Variants in POLQ observed in about 807,000 individuals in gnomAD.
POLQ encodes the protein epididymis secretory sperm binding protein.
POLQ carries 233 observed loss-of-function variants against 259.2 expected under a neutral mutation model. The observed-to-expected ratio is 0.90, with a 90% CI of 0.81 to 1.00. POLQ has a LOEUF of 1.00. Ranked by LOEUF, POLQ falls within the 50% of genes least tolerant of loss-of-function variation. POLQ has a pLI of 0.00. For missense variants in POLQ, 2,871 were observed against 3,051.6 expected (o/e 0.94, Z 1.39); for synonymous variants, 1,025 against 1,048.8 (o/e 0.98, Z 0.44).
intron 5 of POLQ, among the ~76,000 whole-genome samples, chr3:121,536,314 A>T (rs2048450334): frequency 6.6e-6 from 1 of 152,136 alleles, no homozygotes; most frequent in Non-Finnish European, 1.5e-5. Flanking sequence ...GTTAGTAAAA[A>T]ATTTAAAAGA....
intron 25 of POLQ, among the ~76,000 whole-genome samples, chr3:121,454,129 C>A (rs1056257194): frequency 6.6e-6 from 1 of 152,172 alleles, no homozygotes; most frequent in East Asian, 1.9e-4. Flanking sequence ...TCCAGCCAAA[C>A]TAAGCTTCAT....
intron 24 of POLQ, among the ~76,000 whole-genome samples, chr3:121,466,324 C>T (rs1202445080): frequency 2.8e-5 from 4 of 143,852 alleles, no homozygotes; most frequent in African/African-American, 1.0e-4. Context: ...TAAGAAAACT[C>T]TGTTGCACTT....
chr3:121,543,855 C>T (rs150474511), intron 2 of POLQ, among the ~76,000 whole-genome samples: 3 of 151,860 alleles, frequency 2.0e-5, no homozygotes, highest in South Asian at 2.1e-4. Flanking sequence ...TGGCAGCGGG[C>T]ATCTGTAATC....
intron 25 of POLQ, among the ~76,000 whole-genome samples, chr3:121,455,684 G>A (rs757131979): frequency 6.6e-6 from 1 of 152,144 alleles, no homozygotes; most frequent in Non-Finnish European, 1.5e-5. Flanking sequence ...ACTAAACCAG[G>A]AAGAAGTTGA....
chr3:121,481,136 T>C (rs1318892167), intron 19 of POLQ, among the ~76,000 whole-genome samples: 1 of 152,250 alleles, frequency 6.6e-6, no homozygotes, highest in Non-Finnish European at 1.5e-5. Context: ...AAGAGTTAAC[T>C]TTTTGAAATC....
intron 2 of POLQ, among the ~76,000 whole-genome samples, chr3:121,543,452 G>A (rs1351289292): frequency 6.6e-6 from 1 of 152,208 alleles, no homozygotes; most frequent in East Asian, 1.9e-4. Flanking sequence ...TAAGTAATCT[G>A]TGAGGCTGCA....
chr3:121,539,350 G>A, intron 4 of POLQ, 83 bp downstream of exon 4: 2 of 1,054,226 alleles, frequency 1.9e-6, no homozygotes, highest in Non-Finnish European at 2.8e-6. Flanking sequence ...AAACAAATGG[G>A]ACCTAGAGAA....
At chr3:121,446,090 C>A (rs1199950178) in intron 26 of POLQ, among the ~76,000 whole-genome samples, 1 of 151,766 alleles carries the variant, frequency 6.6e-6, no homozygotes, top group East Asian at 1.9e-4. Context: ...TATAAACTTC[C>A]TTCTTAGCAC....
At chr3:121,521,438 T>G (rs2048335593) in intron 8 of POLQ, 1 of 152,250 alleles carries the variant, frequency 6.6e-6, no homozygotes, top group Non-Finnish European at 1.5e-5. Flanking sequence ...TTTAACATGC[T>G]ATGAAAAAAC....
At chr3:121,459,676 C>T (rs529136732) in intron 25 of POLQ, among the ~76,000 whole-genome samples, 21 of 152,216 alleles carry the variant, frequency 1.4e-4, no homozygotes, top group Admixed American at 5.9e-4. Flanking sequence ...CCACCGCGCC[C>T]GGCCTGGAAA....
At chr3:121,502,813 A>G (rs1576419398) in intron 12 of POLQ, among the ~76,000 whole-genome samples, 2 of 152,334 alleles carry the variant, frequency 1.3e-5, no homozygotes, top group East Asian at 3.9e-4. Flanking sequence ...TAATGATGTA[A>G]TAAGTATAAC....
rs139458640 is a variant in POLQ at position 121,431,568 on chromosome 3, G to C, written c.*736C>G. On this transcript the variant is annotated 3_prime_UTR_variant, in exon 30 of 30. Transcript: ENST00000264233. ...AAAGAGGCACTAAGGGACTGATAAG[G>C]GGGTATTTTCTGTCTCTGGCAGTAT... The C allele has an allele frequency of 7.9e-5, 12 of 152,566 alleles. No individual in the cohort carries two copies. The highest frequency in any genetic ancestry group is 2.9e-4 in the African/African-American group (12 of 41,520). The allele number at this position is 152,566 out of a possible 1,614,324, so 9.5% of individuals were successfully genotyped here.
At chr3:121,486,815 A>T (rs375210810) in intron 16 of POLQ, among the ~76,000 whole-genome samples, 1 of 151,600 alleles carries the variant, frequency 6.6e-6, no homozygotes, top group Non-Finnish European at 1.5e-5. Context: ...GTGAGCGAAG[A>T]TCAAGATCAC....
At chr3:121,529,096 T>A (rs1204707973) in intron 7 of POLQ, among the ~76,000 whole-genome samples, 1 of 152,182 alleles carries the variant, frequency 6.6e-6, no homozygotes, top group African/African-American at 2.4e-5. Context: ...CTAGGCTACA[T>A]AGCTTGTCAG....
intron 18 of POLQ, among the ~76,000 whole-genome samples, 167 bp from the exon 19 acceptor site, chr3:121,481,979 G>A (rs1338502255): frequency 6.6e-6 from 1 of 152,102 alleles, no homozygotes; most frequent in Non-Finnish European, 1.5e-5. Flanking sequence ...ATTGTAACAG[G>A]ACTCATTTTT....
chr3:121,481,540 T>C, intron 19 of POLQ, 32 bp downstream of exon 19: 4 of 1,553,942 alleles, frequency 2.6e-6, no homozygotes, highest in Non-Finnish European at 3.5e-6. Flanking sequence ...CTCTAATCTA[T>C]AACATAAAAA....
intron 22 of POLQ, among the ~76,000 whole-genome samples, chr3:121,469,185 C>CA (rs36073350): frequency 0.62 from 70,074 of 113,018 alleles, 20,891 homozygotes; most frequent in East Asian, 0.84. Flanking sequence ...GAGACTGTCT[C>CA]AAAAAAAAAA....
chr3:121,490,463 T>C (rs2108799273), intron 15 of POLQ, 55 bp from the exon 16 acceptor site: 1 of 1,425,220 alleles, frequency 7.0e-7, no homozygotes, highest in African/African-American at 1.4e-5. Flanking sequence ...GTAAGGCAAG[T>C]ATTTATTAAA....
intron 7 of POLQ, among the ~76,000 whole-genome samples, chr3:121,526,033 A>C (rs1477994539): frequency 1.3e-5 from 2 of 152,108 alleles, no homozygotes; most frequent in Non-Finnish European, 2.9e-5. Flanking sequence ...TAATGTTGAC[A>C]GTCCTTTCCA....
Sources: allele counts gnomAD v4.1 joint callset (sites outside exome capture counted in the v4.1 genomes callset), GRCh38; gene constraint gnomAD v4.1.1; transcripts MANE v1.5; gene names NCBI Gene and HGNC (gene_info 2026-07-23, HGNC 2026-07-21).